GPAM: variants seen among roughly 807,000 people sequenced by gnomAD.
The protein encoded by GPAM is glycerol-3-phosphate acyltransferase, mitochondrial.
GPAM carries 56 observed loss-of-function variants against 105.0 expected under a neutral mutation model. The ratio of observed to expected loss-of-function variants is 0.53; its 90% CI spans 0.43 to 0.67. The LOEUF is 0.67. Ranked by LOEUF, GPAM falls within the 30% of genes least tolerant of loss-of-function variation. GPAM has a pLI of 0.00. For synonymous variants in GPAM, 368 were observed against 354.4 expected, an observed-to-expected ratio of 1.04 and a Z score of -0.43; for missense variants, 855 against 989.8, an observed-to-expected ratio of 0.86 and a Z score of 1.83.
At chr10:112,173,195 T>C in intron 7 of GPAM, 129 bp from the exon 8 acceptor site, 1 of 705,614 alleles carries the variant, frequency 1.4e-6, no homozygotes, top group Non-Finnish European at 2.6e-6. Flanking sequence ...TGTAAATGAC[T>C]TAGTGTGTGT....
intron 10 of GPAM, 38 bp from the exon 11 acceptor site, chr10:112,168,562 C>G (rs1193153761): frequency 1.5e-6 from 2 of 1,322,318 alleles, no homozygotes; most frequent in South Asian, 1.2e-5. Flanking sequence ...ACATTCAAGA[C>G]CACTCAACTT....
At chr10:112,219,116 C>T (rs1179646309), upstream of GPAM, among the ~76,000 whole-genome samples, 2 of 152,224 alleles carry the variant, frequency 1.3e-5, no homozygotes, top group African/African-American at 2.4e-5. Context: ...GTTTGAATGC[C>T]TCTGACTCAG....
intron 1 of GPAM, among the ~76,000 whole-genome samples, chr10:112,198,826 G>A (rs189445626): frequency 2.0e-5 from 3 of 152,138 alleles, no homozygotes; most frequent in Admixed American, 2.0e-4. Flanking sequence ...TATACACAAC[G>A]GACTACTCTT....
intron 6 of GPAM, among the ~76,000 whole-genome samples, chr10:112,175,309 T>C (rs1226105766): frequency 6.6e-6 from 1 of 152,236 alleles, no homozygotes; most frequent in Non-Finnish European, 1.5e-5. Flanking sequence ...CAGAGAACTC[T>C]GGAAATATGT....
chr10:112,187,699 AC>A (rs1367695146), upstream of GPAM, among the ~76,000 whole-genome samples: 1 of 152,208 alleles, frequency 6.6e-6, no homozygotes, highest in East Asian at 1.9e-4. Flanking sequence ...AATACTATCA[AC>A]CCAACTTGAT....
At chr10:112,218,038 A>C (rs1847988043), upstream of GPAM, among the ~76,000 whole-genome samples, 1 of 152,250 alleles carries the variant, frequency 6.6e-6, no homozygotes, top group Non-Finnish European at 1.5e-5. Context: ...GAAAGACTGA[A>C]TATCTTACCA....
At chr10:112,161,072 C>T (rs1847115346) in intron 15 of GPAM, among the ~76,000 whole-genome samples, 1 of 152,216 alleles carries the variant, frequency 6.6e-6, no homozygotes, top group African/African-American at 2.4e-5. Context: ...CAAGGTATTA[C>T]ACATGCTAGT....
In GPAM at chr10:112,164,541, CT is replaced by C; in HGVS notation, c.1290del (p.Ala431LeufsTer34). ...AAATTTTACCTTGAAGGAAGTATAG[CT>C]GGTAACAACGCTTGCTCCAGGGAAA... ...ALLSLEQALL[P>X]AILPSRPSDA... On this transcript the variant is annotated frameshift_variant, in exon 13 of 22. Transcript: ENST00000348367. LOFTEE classifies it high-confidence loss of function. 6.3e-7 allele frequency: 1 copy of C among 1,581,934 alleles called. No individual in the cohort carries two copies. Among genetic ancestry groups the C allele is most frequent in the Non-Finnish European group, 8.7e-7 (1 of 1,150,750 alleles).
chr10:112,155,905 T>C lies in GPAM; in HGVS notation c.2270A>G (p.Lys757Arg), dbSNP rs150743685. 6.0e-4 allele frequency: 972 copies of C among 1,611,022 alleles called. No homozygotes were observed. Among genetic ancestry groups the C allele is most frequent in the Non-Finnish European group, 7.6e-4 (899 of 1,177,224 alleles). ...TCTTTCTGTTCTGGTTATTAGGTATTTGTGCAACTTTTGCAGATACTCAGG... is the reference window on the plus strand; with the variant it reads ...TCTTTCTGTTCTGGTTATTAGGTATCTGTGCAACTTTTGCAGATACTCAGG... Reference protein sequence around the residue: ...PEPEYLQKLHKYLITRTERNV... With the variant: ...PEPEYLQKLHRYLITRTERNV... The change falls in exon 20 of 22, where the codon AAA (lysine) becomes AGA (arginine). Residue 757 changes from lysine to arginine, a missense_variant. By Grantham distance (26) the Lys-to-Arg change is conservative. Transcript: ENST00000348367.
At chr10:112,173,131 C>T (rs1847341966) in intron 7 of GPAM, 65 bp from the exon 8 acceptor site, 1 of 916,312 alleles carries the variant, frequency 1.1e-6, no homozygotes, top group Non-Finnish European at 1.8e-6. Context: ...CATACAAGCA[C>T]ATACAGTTGA....
At chr10:112,224,338 C>A in the GPAM span, among the ~76,000 whole-genome samples, 1 of 152,140 alleles carries the variant, frequency 6.6e-6, no homozygotes, top group South Asian at 2.1e-4. Context: ...GCCCAAAGTG[C>A]TGTTTTCCCA....
At chr10:112,158,778 C>A (rs1053255435) in intron 17 of GPAM, among the ~76,000 whole-genome samples, 1 of 152,092 alleles carries the variant, frequency 6.6e-6, no homozygotes, top group Non-Finnish European at 1.5e-5. Flanking sequence ...AAATACTGTA[C>A]ACAAAAGTGG....
Position 112,152,461 on chromosome 10 carries a change from CCAGT to C in GPAM, c.*1085_*1088del. On this transcript the variant is annotated 3_prime_UTR_variant, in exon 22 of 22. Coordinates refer to ENST00000348367, the MANE Select transcript of GPAM (RefSeq NM_001244949.2). ...AATCCATAAATGCCTCTAACCATTA[CCAGT>C]CAGTAGGGCCACCACATGCATATAC... The C allele has an allele frequency of 1.0e-6, 1 of 985,352 alleles. No individual in the cohort carries two copies. Among genetic ancestry groups the C allele is most frequent in the Non-Finnish European group, 1.2e-6 (1 of 829,906 alleles). 61.0% of individuals were successfully genotyped at this position (985,352 alleles called of 1,614,324 possible).
chr10:112,155,951 A>G lies in GPAM; in HGVS notation c.2224T>C (p.Phe742Leu), dbSNP rs1305184800. The change falls in exon 20 of 22, where the codon TTC becomes CTC. Residue 742 changes from phenylalanine to leucine, a missense_variant. Coordinates refer to ENST00000348367, the MANE Select transcript of GPAM (RefSeq NM_001244949.2). The stretch of plus-strand genomic sequence containing the variant: ...TCAGGTTCTGGAACAGGACCACTGA[A>G]GTTGTGAACAAAGATGGCAGCAGAG... ...YSSAAIFVHN[F>L]SGPVPEPEYL... The G allele has an allele frequency of 5.6e-6, 9 of 1,611,752 alleles. No homozygotes were observed. The highest frequency in any genetic ancestry group is 7.6e-6 in the Non-Finnish European group (9 of 1,177,808).
intron 9 of GPAM, among the ~76,000 whole-genome samples, chr10:112,169,881 G>C (rs745804105): frequency 6.6e-6 from 1 of 152,160 alleles, no homozygotes; most frequent in Non-Finnish European, 1.5e-5. Flanking sequence ...TCATAGGATA[G>C]GAGCGCAAAT....
intron 1 of GPAM, among the ~76,000 whole-genome samples, chr10:112,199,089 A>ATGTGTGTG (rs34627276): frequency 0.028 from 3,727 of 134,924 alleles, 75 homozygotes; most frequent in African/African-American, 0.049. Flanking sequence ...CGCCTGGCTA[A>ATGTGTGTG]TGTGTGTGTG....
intron 9 of GPAM, among the ~76,000 whole-genome samples, 181 bp downstream of exon 9, chr10:112,172,001 T>C (rs1229887283): frequency 6.6e-6 from 1 of 152,172 alleles, no homozygotes; most frequent in East Asian, 1.9e-4. Flanking sequence ...ATAATGATGA[T>C]AGTCTTAATG....
chr10:112,153,690 T>C, intron 21 of GPAM, 24 bp from the exon 22 acceptor site: 1 of 1,606,644 alleles, frequency 6.2e-7, no homozygotes, highest in African/African-American at 1.3e-5. Context: ...TTAGATTAAA[T>C]TAAAGGCAAA....
At chr10:112,194,394 T>G (rs943024125) in intron 1 of GPAM, among the ~76,000 whole-genome samples, 1 of 152,192 alleles carries the variant, frequency 6.6e-6, no homozygotes, top group African/African-American at 2.4e-5. Flanking sequence ...TATATAACAT[T>G]TTAAAAGGTT....
Sources: allele counts gnomAD v4.1 joint callset (sites outside exome capture counted in the v4.1 genomes callset), GRCh38; gene constraint gnomAD v4.1.1; transcripts MANE v1.5; gene names NCBI Gene and HGNC (gene_info 2026-07-23, HGNC 2026-07-21).